PRKCE: variants seen among roughly 807,000 people sequenced by gnomAD.
PRKCE encodes protein kinase C epsilon type.
A neutral mutation model predicts 85.4 loss-of-function variants in PRKCE; 16 were observed. The ratio of observed to expected loss-of-function variants is 0.19; its 90% CI spans 0.13 to 0.28. PRKCE has a LOEUF of 0.28. Among genes scored for constraint, PRKCE ranks in the 10% least tolerant of loss-of-function variants. The pLI, the probability that PRKCE is intolerant of heterozygous loss-of-function variation, is 1.00. For missense variants in PRKCE, 573 were observed against 975.2 expected (o/e 0.59, Z 5.49); for synonymous variants, 388 against 371.5 (o/e 1.04, Z -0.51).
intron 1 of PRKCE, among the ~76,000 whole-genome samples, chr2:45,791,283 A>G (rs1252225285): frequency 6.6e-6 from 1 of 152,178 alleles, no homozygotes; most frequent in East Asian, 1.9e-4. Flanking sequence ...GAAACCAACT[A>G]AAAATAACAG....
chr2:45,737,951 C>G (rs1682224674), intron 1 of PRKCE, among the ~76,000 whole-genome samples: 1 of 152,154 alleles, frequency 6.6e-6, no homozygotes, highest in Non-Finnish European at 1.5e-5. Context: ...TCTTCCATCT[C>G]CCTGGCTTGA....
intron 2 of PRKCE, among the ~76,000 whole-genome samples, chr2:45,975,450 A>G (rs1484923370): frequency 6.6e-6 from 1 of 152,128 alleles, no homozygotes; most frequent in Non-Finnish European, 1.5e-5. Flanking sequence ...TTCCTTGCTC[A>G]CATGACAGAG....
chr2:45,667,624 C>T (rs1477567121), intron 1 of PRKCE, among the ~76,000 whole-genome samples: 6 of 152,012 alleles, frequency 3.9e-5, no homozygotes, highest in Admixed American at 3.9e-4. Context: ...AAGGCCAACA[C>T]ATGAGGAGGA....
intron 10 of PRKCE, among the ~76,000 whole-genome samples, chr2:46,048,590 C>A (rs1708668226): frequency 6.6e-6 from 1 of 152,186 alleles, no homozygotes; most frequent in Admixed American, 6.5e-5. Flanking sequence ...TCCAGTGGTC[C>A]TTGATTCCCC....
intron 10 of PRKCE, among the ~76,000 whole-genome samples, chr2:46,081,426 T>G (rs1033737923): frequency 6.6e-6 from 1 of 152,246 alleles, no homozygotes; most frequent in East Asian, 1.9e-4. Flanking sequence ...AAGCCAGAGT[T>G]ACCAACAGTT....
At chr2:45,668,743 A>T (rs1356101187) in intron 1 of PRKCE, among the ~76,000 whole-genome samples, 1 of 152,170 alleles carries the variant, frequency 6.6e-6, no homozygotes, top group Non-Finnish European at 1.5e-5. Flanking sequence ...TAAAATGGGA[A>T]TAGTCACATT....
intron 2 of PRKCE, among the ~76,000 whole-genome samples, chr2:45,916,756 T>C (rs1024288628): frequency 3.9e-5 from 6 of 152,158 alleles, no homozygotes; most frequent in Non-Finnish European, 7.3e-5. Flanking sequence ...TCCTACTGTG[T>C]CCGGAATTGG....
chr2:46,115,711 A>G (rs547760183), intron 11 of PRKCE, among the ~76,000 whole-genome samples: 1 of 152,322 alleles, frequency 6.6e-6, no homozygotes, highest in South Asian at 2.1e-4. Context: ...AGTGTTTTAG[A>G]TGGAAGCAAG....
chr2:46,093,362 A>G (rs923714041), intron 11 of PRKCE, among the ~76,000 whole-genome samples: 1 of 151,990 alleles, frequency 6.6e-6, no homozygotes, highest in Non-Finnish European at 1.5e-5. Context: ...ATACATACAG[A>G]TGAATTAGTT....
At chr2:45,944,257 T>A (rs1360778977) in intron 2 of PRKCE, among the ~76,000 whole-genome samples, 1 of 152,158 alleles carries the variant, frequency 6.6e-6, no homozygotes, top group Non-Finnish European at 1.5e-5. Context: ...GTTCCCCATA[T>A]TGTGGGGTGC....
chr2:45,955,640 G>A (rs1700921382), intron 2 of PRKCE, among the ~76,000 whole-genome samples: 4 of 152,132 alleles, frequency 2.6e-5, no homozygotes, highest in Admixed American at 2.6e-4. Flanking sequence ...GCAACATAGT[G>A]AGATGCTCAT....
chr2:45,896,021 G>T (rs894708314), intron 2 of PRKCE, among the ~76,000 whole-genome samples: 3 of 152,190 alleles, frequency 2.0e-5, no homozygotes, highest in Admixed American at 6.5e-5. Flanking sequence ...GCGCAGGAGT[G>T]GGGTGGTCAT....
At chr2:46,026,759 T>C (rs954168626) in intron 10 of PRKCE, among the ~76,000 whole-genome samples, 1 of 152,174 alleles carries the variant, frequency 6.6e-6, no homozygotes, top group African/African-American at 2.4e-5. Context: ...TTTTAAAAGA[T>C]ACACAGCTGA....
At chr2:45,858,187 G>C (rs970240938) in intron 2 of PRKCE, among the ~76,000 whole-genome samples, 1 of 152,206 alleles carries the variant, frequency 6.6e-6, no homozygotes, top group Admixed American at 6.5e-5. Context: ...TGCCTGTAAC[G>C]ATGGCCCTTC....
intron 1 of PRKCE, among the ~76,000 whole-genome samples, chr2:45,832,179 C>T (rs1690481581): frequency 6.6e-6 from 1 of 152,218 alleles, no homozygotes. Context: ...AGTTGGGCAT[C>T]CTGCGTCACA....
Position 46,001,672 on chromosome 2 carries a change from C to T in PRKCE, c.966+126C>T. 1 of 1,109,502 alleles carries T rather than the reference C, an allele frequency of 9.0e-7. No homozygotes were observed. The highest frequency in any genetic ancestry group is 1.2e-6 in the Non-Finnish European group (1 of 838,820). 68.7% of individuals were successfully genotyped at this position (1,109,502 alleles called of 1,614,324 possible). A position where few individuals can be genotyped will look rare whatever the true frequency, so the allele number is the denominator to read the frequency against. On this transcript the variant is annotated intron_variant, in intron 7 of 14. Coordinates refer to ENST00000306156, the MANE Select transcript of PRKCE (RefSeq NM_005400.3). The surrounding 1 kb of genome is among the most constrained non-coding windows in gnomAD (Gnocchi z 4.4). ...GTTTGAGGTATTTTACTCAGAACTGCAGTACTTAAAGAAAAAAACAAAGAT... is the reference window on the plus strand; with the variant it reads ...GTTTGAGGTATTTTACTCAGAACTGTAGTACTTAAAGAAAAAAACAAAGAT...
At chr2:45,761,791 G>A (rs1011265203) in intron 1 of PRKCE, among the ~76,000 whole-genome samples, 1 of 152,100 alleles carries the variant, frequency 6.6e-6, no homozygotes, top group African/African-American at 2.4e-5. Flanking sequence ...CTGAGCCCTC[G>A]CTGCCATATT....
intron 14 of PRKCE, among the ~76,000 whole-genome samples, chr2:46,182,406 C>T (rs1680076724): frequency 1.3e-5 from 2 of 152,170 alleles, no homozygotes; most frequent in South Asian, 4.1e-4. Context: ...TTGTTCTGTA[C>T]ACACTGGAGA....
Position 46,159,505 on chromosome 2 carries a change from C to G in PRKCE, c.1921-101C>G. The G allele has an allele frequency of 1.6e-6, 2 of 1,273,026 alleles. No homozygotes were observed. Among genetic ancestry groups the G allele is most frequent in the Non-Finnish European group, 1.1e-6 (1 of 943,900 alleles). The allele number at this position is 1,273,026 out of a possible 1,614,324, so 78.9% of individuals were successfully genotyped here. Reference sequence around the variant, plus strand: ...AAGTGCAAAGAACAGACTTGGGAGGCGATGCTGAAGATGCTGCTTTGGCTG... The same window carrying G: ...AAGTGCAAAGAACAGACTTGGGAGGGGATGCTGAAGATGCTGCTTTGGCTG... On this transcript the variant is annotated intron_variant, in intron 13 of 14. Coordinates refer to ENST00000306156, the MANE Select transcript of PRKCE (RefSeq NM_005400.3). This position sits in a 1 kb window ranked among gnomAD's most constrained non-coding sequence, Gnocchi z 4.1.
Sources: gnomAD v4.1 joint callset for allele counts (sites outside exome capture counted in the v4.1 genomes callset) on GRCh38, gnomAD v4.1.1 for gene constraint, Gnocchi (gnomAD v3.1) non-coding constraint, MANE v1.5 for transcripts, NCBI Gene and HGNC (gene_info 2026-07-23, HGNC 2026-07-21) for gene names.